RPS6KA1: variants seen among roughly 807,000 people sequenced by gnomAD.
RPS6KA1 encodes ribosomal protein S6 kinase A1.
A neutral mutation model predicts 91.3 loss-of-function variants in RPS6KA1; 48 were observed. The ratio of observed to expected loss-of-function variants is 0.53; its 90% CI spans 0.42 to 0.67. RPS6KA1 has a LOEUF of 0.67. Among genes scored for constraint, RPS6KA1 ranks in the 30% least tolerant of loss-of-function variants. RPS6KA1 has a pLI of 0.00. For synonymous variants in RPS6KA1, 359 were observed against 384.7 expected, an observed-to-expected ratio of 0.93 and a Z score of 0.78; for missense variants, 719 against 960.5, an observed-to-expected ratio of 0.75 and a Z score of 3.32.
At chr1:26,544,563 C>T (rs535709105) in intron 2 of RPS6KA1, among the ~76,000 whole-genome samples, 5 of 152,024 alleles carry the variant, frequency 3.3e-5, no homozygotes, top group Non-Finnish European at 7.3e-5. Context: ...CAGCCTCCCC[C>T]TCCCAGGTTC....
chr1:26,535,078 G>C (rs2075896717), intron 1 of RPS6KA1, among the ~76,000 whole-genome samples: 1 of 152,034 alleles, frequency 6.6e-6, no homozygotes, highest in African/African-American at 2.4e-5. Flanking sequence ...ATTATGTCAA[G>C]AGTCTAGAAT....
Position 26,574,204 on chromosome 1 carries a change from C to T in RPS6KA1, c.*3C>T, listed in dbSNP as rs1266254997. ...AGTTGCCATCCACCACCCTGTGAGG[C>T]ACCAGGGCATTCGGGCCACAGGGCG... On this transcript the variant is annotated 3_prime_UTR_variant, in exon 22 of 22. Coordinates refer to ENST00000374168, the MANE Select transcript of RPS6KA1 (RefSeq NM_002953.4). This position sits in a 1 kb window ranked among gnomAD's most constrained non-coding sequence, Gnocchi z 4.3. The T allele has an allele frequency of 6.2e-7, 1 of 1,614,086 alleles. No homozygotes were observed.
chr1:26,560,376 G>A (rs888266512), intron 14 of RPS6KA1, among the ~76,000 whole-genome samples: 1 of 152,252 alleles, frequency 6.6e-6, no homozygotes, highest in African/African-American at 2.4e-5. Flanking sequence ...TGGCACAGCT[G>A]GAACTCAGCT....
In RPS6KA1 at chr1:26,554,497, A is replaced by G. The variant is rs776879410; in HGVS notation, c.614-99A>G. 6.8e-7 allele frequency: 1 copy of G among 1,466,826 alleles called. No individual in the cohort carries two copies. Among genetic ancestry groups the G allele is most frequent in the South Asian group, 1.3e-5 (1 of 76,358 alleles). The allele number at this position is 1,466,826 out of a possible 1,614,324, so 90.9% of individuals were successfully genotyped here. ...CTTCCTCCTGAGTGTCATGGGGGTG[A>G]TGCCTTCTGGCCTCTGGGCACGGGG... On this transcript the variant is annotated intron_variant, in intron 8 of 21. Transcript: ENST00000374168. The surrounding 1 kb of genome is among the most constrained non-coding windows in gnomAD (Gnocchi z 4.6).
rs747060713 is a variant in RPS6KA1, at chr1:26,554,296, G to A, written c.613+45G>A. 6.5e-6 allele frequency: 10 copies of A among 1,544,680 alleles called. No individual in the cohort carries two copies. Among genetic ancestry groups the A allele is most frequent in the East Asian group, 4.9e-5 (2 of 41,208 alleles). On this transcript the variant is annotated intron_variant, in intron 8 of 21. Coordinates refer to ENST00000374168, the MANE Select transcript of RPS6KA1 (RefSeq NM_002953.4). The surrounding 1 kb of genome is among the most constrained non-coding windows in gnomAD (Gnocchi z 4.6). The stretch of plus-strand genomic sequence containing the variant: ...CCCCTCGGGACCCAGGGGAGGACAG[G>A]ACAAGGTCATGATAGGTCTCGGCTG...
chr1:26,572,007 C>T, intron 19 of RPS6KA1, 82 bp downstream of exon 19: 2 of 1,451,384 alleles, frequency 1.4e-6, no homozygotes, highest in Non-Finnish European at 1.9e-6. Flanking sequence ...ATAGGAATGG[C>T]TCAGCCAGCC....
At chr1:26,539,805 C>T (rs908207680) in intron 2 of RPS6KA1, among the ~76,000 whole-genome samples, 6 of 152,200 alleles carry the variant, frequency 3.9e-5, no homozygotes, top group Non-Finnish European at 8.8e-5. Flanking sequence ...ATTTGCCCTC[C>T]CTCCCTTCTG....
At chr1:26,573,512 G>C (rs2076268503) in intron 21 of RPS6KA1, 151 bp downstream of exon 21, 1 of 899,796 alleles carries the variant, frequency 1.1e-6, no homozygotes, top group Non-Finnish European at 1.7e-6. Flanking sequence ...CCGTCAGGGA[G>C]CCTAACATGC....
rs1228215171 is a variant in RPS6KA1 at position 26,557,824 on chromosome 1, C to T, written c.1084+724C>T. The stretch of plus-strand genomic sequence containing the variant: ...CTCCCCTCCCCTTCCCTCTCCTTCC[C>T]TTCCCTCTCCTCTCCTCTTTTCAAG... On this transcript the variant is annotated intron_variant, in intron 13 of 21. Coordinates refer to ENST00000374168, the MANE Select transcript of RPS6KA1 (RefSeq NM_002953.4). Among the ~76,000 whole-genome samples, 3 of 139,060 alleles carry T rather than the reference C, an allele frequency of 2.2e-5. No homozygotes were observed. The East Asian group carries it at 6.9e-4, about 32-fold the overall frequency. The allele number at this position is 139,060 out of a possible 152,430, so 91.2% of individuals were successfully genotyped here.
chr1:26,531,525 CT>C (rs1168460431), intron 1 of RPS6KA1: 10 of 152,242 alleles, frequency 6.6e-5, no homozygotes, highest in African/African-American at 2.4e-4. Context: ...CCACTTCCTG[CT>C]TCTCTTTAGG....
At chr1:26,553,534 G>A (rs1209910367) in intron 7 of RPS6KA1, 37 bp downstream of exon 7, 1 of 1,416,176 alleles carries the variant, frequency 7.1e-7, no homozygotes, top group Admixed American at 1.7e-5. Flanking sequence ...AGCCTCCCCA[G>A]GGGAGGCCTC....
rs915209067 is a variant in RPS6KA1, at chr1:26,529,821, G to C, written c.-100G>C. On this transcript the variant is annotated 5_prime_UTR_variant, in exon 1 of 22. Transcript: ENST00000374168. The surrounding 1 kb of genome is among the most constrained non-coding windows in gnomAD (Gnocchi z 4.2). Reference sequence around the variant, plus strand: ...CCAGCCGGAGCGCGAGGGGCTCGGGGGGGCGCGGCGGTTCGGGTCGCAGAG... The same window carrying C: ...CCAGCCGGAGCGCGAGGGGCTCGGGCGGGCGCGGCGGTTCGGGTCGCAGAG... 15 of 896,606 alleles carry C rather than the reference G, an allele frequency of 1.7e-5. No homozygotes were observed. The highest frequency in any genetic ancestry group is 4.7e-5 in the Admixed American group (1 of 21,126). The allele number at this position is 896,606 out of a possible 1,614,324, so 55.5% of individuals were successfully genotyped here. A position where few individuals can be genotyped will look rare whatever the true frequency, so the allele number is the denominator to read the frequency against.
chr1:26,551,270 C>G lies in RPS6KA1; in HGVS notation c.308-127C>G. On this transcript the variant is annotated intron_variant, in intron 4 of 21. Coordinates refer to ENST00000374168, the MANE Select transcript of RPS6KA1 (RefSeq NM_002953.4). The surrounding 1 kb of genome is among the most constrained non-coding windows in gnomAD (Gnocchi z 4.5). ...CTGAGGATTGAGTGTCCCCAAAGCC[C>G]TGGGTGAGGGGGCTTTGGGAGCTCA... 1.3e-6 allele frequency: 1 copy of G among 774,406 alleles called. No homozygotes were observed. Among genetic ancestry groups the G allele is most frequent in the Non-Finnish European group, 2.2e-6 (1 of 458,436 alleles). 48.0% of individuals were successfully genotyped at this position (774,406 alleles called of 1,614,324 possible).
rs2076054344 is a variant in RPS6KA1, at chr1:26,551,945, T to G, written c.468+222T>G. ...TTCTCCCAAGGAAACTCCAGGGAGC[T>G]AAGGGTTCCTCTCACCTCTGCACCT... On this transcript the variant is annotated intron_variant, in intron 6 of 21. Transcript: ENST00000374168. The surrounding 1 kb of genome is among the most constrained non-coding windows in gnomAD (Gnocchi z 4.5). Among the ~76,000 whole-genome samples, 1 of 152,200 alleles carries G rather than the reference T, an allele frequency of 6.6e-6. No homozygotes were observed. The highest frequency in any genetic ancestry group is 1.5e-5 in the Non-Finnish European group (1 of 68,030).
chr1:26,568,946 A>G (rs1459755983), intron 17 of RPS6KA1, among the ~76,000 whole-genome samples: 2 of 152,100 alleles, frequency 1.3e-5, no homozygotes, highest in African/African-American at 4.8e-5. Flanking sequence ...CTGTAATCCC[A>G]GCACTTTGGG....
chr1:26,533,700 T>C (rs1013315262), intron 1 of RPS6KA1, among the ~76,000 whole-genome samples: 1 of 151,790 alleles, frequency 6.6e-6, no homozygotes, highest in Non-Finnish European at 1.5e-5. Flanking sequence ...AGTGAAACTG[T>C]CTCAAAAAAT....
At chr1:26,559,701 C>A (rs911618157) in intron 14 of RPS6KA1, among the ~76,000 whole-genome samples, 2 of 152,068 alleles carry the variant, frequency 1.3e-5, no homozygotes, top group African/African-American at 4.8e-5. Flanking sequence ...TGAGATACTC[C>A]CTTCCTCGTG....
In RPS6KA1 at chr1:26,574,431, CTT is replaced by C. The variant is rs751407416; in HGVS notation, c.*237_*238del. ...GGTGGAAAGCGATTCACTGTATAAACTTTTTTTTATGAAAAAAATGGCATCAA... is the reference window on the plus strand; with the variant it reads ...GGTGGAAAGCGATTCACTGTATAAACTTTTTTATGAAAAAAATGGCATCAA... On this transcript the variant is annotated 3_prime_UTR_variant, in exon 22 of 22. Transcript: ENST00000374168. This position sits in a 1 kb window ranked among gnomAD's most constrained non-coding sequence, Gnocchi z 4.3. 7.7e-5 allele frequency: 57 copies of C among 737,682 alleles called. No individual in the cohort carries two copies. In the Admixed American group the frequency reaches 1.0e-3, roughly 13 times the overall value. 45.7% of individuals were successfully genotyped at this position (737,682 alleles called of 1,614,324 possible).
chr1:26,566,752 A>G (rs2076205903), intron 17 of RPS6KA1, among the ~76,000 whole-genome samples: 1 of 152,140 alleles, frequency 6.6e-6, no homozygotes, highest in South Asian at 2.1e-4. Context: ...GCAGGAGTTC[A>G]TGATTTAATA....
Sources: gnomAD v4.1 joint callset for allele counts (sites outside exome capture counted in the v4.1 genomes callset) on GRCh38, gnomAD v4.1.1 for gene constraint, Gnocchi (gnomAD v3.1) non-coding constraint, MANE v1.5 for transcripts, NCBI Gene and HGNC (gene_info 2026-07-23, HGNC 2026-07-21) for gene names.